The following NUP160 variants were observed in gnomAD, a reference collection of about 807,000 sequenced individuals.
NUP160 encodes the protein nucleoporin 160.
A neutral mutation model predicts 196.9 loss-of-function variants in NUP160; 94 were observed. That is an observed-to-expected ratio of 0.48 (90% CI 0.40 to 0.57). The LOEUF is 0.57. Among genes scored for constraint, NUP160 ranks in the 20% least tolerant of loss-of-function variants. The pLI, the probability that NUP160 is intolerant of heterozygous loss-of-function variation, is 0.00. For synonymous variants in NUP160, 605 were observed against 619.7 expected (o/e 0.98, Z 0.35); for missense variants, 1,638 against 1,748.3 (o/e 0.94, Z 1.13).
chr11:47,804,564 T>C (rs777082338), exon 21 of NUP160: 5 of 1,537,758 alleles, frequency 3.3e-6, no homozygotes, highest in Non-Finnish European at 4.3e-6. Flanking sequence ...ATTGTACATA[T>C]TGGCAATTTC....
intron 32 of NUP160, among the ~76,000 whole-genome samples, chr11:47,786,209 A>C (rs958542486): frequency 1.3e-5 from 2 of 152,240 alleles, no homozygotes; most frequent in African/African-American, 2.4e-5. Context: ...CTTTCCTGAT[A>C]TGAAACAGTA....
At chr11:47,820,113 T>C (rs1266921802) in intron 9 of NUP160, 1 of 152,232 alleles carries the variant, frequency 6.6e-6, no homozygotes, top group Non-Finnish European at 1.5e-5. Context: ...GTTCAATTAG[T>C]TCAGTGGTCT....
exon 4 of NUP160, chr11:47,840,046 T>C (rs1233877081): frequency 1.2e-6 from 2 of 1,611,752 alleles, no homozygotes; most frequent in Non-Finnish European, 1.7e-6. Flanking sequence ...TGACTGCATC[T>C]GACTGTCAAC....
intron 4 of NUP160, among the ~76,000 whole-genome samples, chr11:47,838,734 G>A (rs548620444): frequency 3.4e-4 from 52 of 151,712 alleles, no homozygotes; most frequent in Non-Finnish European, 5.3e-4. Context: ...GGCCAGGTGC[G>A]GTGGCTCAAG....
chr11:47,819,453 A>G, exon 10 of NUP160: 1 of 1,611,436 alleles, frequency 6.2e-7, no homozygotes, highest in Non-Finnish European at 8.5e-7. Context: ...CTGACCTGCA[A>G]CATTACTAGA....
chr11:47,784,965 G>C, exon 33 of NUP160: 2 of 1,605,532 alleles, frequency 1.2e-6, no homozygotes, highest in Non-Finnish European at 8.5e-7. Context: ...CACTCCATGA[G>C]ACAAGAGCTT....
intron 22 of NUP160, 60 bp downstream of exon 22, chr11:47,803,378 C>T (rs1014455958): frequency 3.0e-6 from 3 of 1,015,252 alleles, no homozygotes; most frequent in Non-Finnish European, 4.7e-6. Flanking sequence ...CAAATGGAAG[C>T]TAAGCAACTT....
At chr11:47,826,755 G>T (rs111623034) in intron 7 of NUP160, among the ~76,000 whole-genome samples, 2,247 of 152,184 alleles carry the variant, frequency 0.015, 63 homozygotes, top group African/African-American at 0.051. Context: ...TACAGTCGGG[G>T]TTTCACCATG....
At chr11:47,846,235 C>G (rs963363231) in intron 2 of NUP160, among the ~76,000 whole-genome samples, 3 of 152,014 alleles carry the variant, frequency 2.0e-5, no homozygotes, top group African/African-American at 7.3e-5. Context: ...CCTCAGCCCC[C>G]CAAAGTGCTG....
chr11:47,834,485 A>G (rs1193214674), intron 7 of NUP160, among the ~76,000 whole-genome samples: 2 of 152,206 alleles, frequency 1.3e-5, no homozygotes, highest in East Asian at 3.9e-4. Context: ...ATAGCATGAT[A>G]CTTTTGGGCC....
exon 33 of NUP160, chr11:47,784,970 G>A: frequency 6.2e-7 from 1 of 1,604,974 alleles, no homozygotes; most frequent in Non-Finnish European, 8.5e-7. Flanking sequence ...CATGAGACAA[G>A]AGCTTGTTGA....
At chr11:47,802,006 TA>T in intron 22 of NUP160, 76 bp from the exon 23 acceptor site, 1 of 1,445,648 alleles carries the variant, frequency 6.9e-7, no homozygotes, top group Non-Finnish European at 9.5e-7. Context: ...GGTTCACATG[TA>T]AGGGAAAGCC....
chr11:47,818,325 C>T (rs904082260), intron 10 of NUP160, among the ~76,000 whole-genome samples: 1 of 152,194 alleles, frequency 6.6e-6, no homozygotes, highest in African/African-American at 2.4e-5. Flanking sequence ...AGGTACTATA[C>T]TTAAAATGGT....
At chr11:47,848,121 G>A in intron 1 of NUP160, 98 bp downstream of exon 1, 2 of 1,414,582 alleles carry the variant, frequency 1.4e-6, no homozygotes, top group South Asian at 1.2e-5. Context: ...GAGGCATGTG[G>A]ACTCAGGAGG....
intron 34 of NUP160, 23 bp downstream of exon 34, chr11:47,783,050 G>C: frequency 2.5e-6 from 4 of 1,598,896 alleles, no homozygotes; most frequent in Non-Finnish European, 3.4e-6. Flanking sequence ...ATTGTAAATT[G>C]GGGACCATTT....
intron 27 of NUP160, among the ~76,000 whole-genome samples, chr11:47,796,965 T>C (rs2097671225): frequency 6.6e-6 from 1 of 152,160 alleles, no homozygotes; most frequent in African/African-American, 2.4e-5. Flanking sequence ...AGTACTGGGA[T>C]TACAGGCGTG....
exon 18 of NUP160, chr11:47,808,458 T>G (rs987057503): frequency 1.2e-6 from 2 of 1,613,830 alleles, no homozygotes; most frequent in South Asian, 2.2e-5. Flanking sequence ...GGTAATAAGA[T>G]AAGAGTAGGG....
chr11:47,783,514 TAA>T (rs2097662706), intron 33 of NUP160, among the ~76,000 whole-genome samples: 2 of 152,226 alleles, frequency 1.3e-5, no homozygotes, highest in South Asian at 4.1e-4. Context: ...TCCACAGTTG[TAA>T]AGTCAACAAA....
chr11:47,783,644 C>T (rs1347485723), intron 33 of NUP160, among the ~76,000 whole-genome samples: 1 of 152,136 alleles, frequency 6.6e-6, no homozygotes, highest in Non-Finnish European at 1.5e-5. Context: ...TTTGGAAGAG[C>T]TCTATTAATT....
Sources: allele counts gnomAD v4.1 joint callset (sites outside exome capture counted in the v4.1 genomes callset), GRCh38; gene constraint gnomAD v4.1.1; transcripts MANE v1.5; gene names NCBI Gene and HGNC (gene_info 2026-07-23, HGNC 2026-07-21).